OSBPL2: variants seen among roughly 807,000 people sequenced by gnomAD.
OSBPL2 encodes oxysterol binding protein like 2, also known as oxysterol-binding protein-related protein 2.
Under a neutral mutation model 58.4 loss-of-function variants are expected in OSBPL2, and 18 were observed. The observed-to-expected ratio is 0.31, with a 90% CI of 0.21 to 0.46. The LOEUF is 0.46. Among genes scored for constraint, OSBPL2 ranks in the 20% least tolerant of loss-of-function variants. OSBPL2 has a pLI of 1.00. For missense variants in OSBPL2, 461 were observed against 616.5 expected (o/e 0.75, Z 2.67); for synonymous variants, 221 against 234.1 (o/e 0.94, Z 0.51).
Position 62,281,552 on chromosome 20 carries a change from C to A in OSBPL2, c.783-238C>A, listed in dbSNP as rs1982785430. On this transcript the variant is annotated intron_variant, in intron 8 of 13. Transcript: ENST00000313733. The stretch of plus-strand genomic sequence containing the variant: ...CTTTAGTGAGGTATAATCGATGCAT[C>A]ATAAGACTCGCCCATTCTGAATGGA... 5.6e-6 allele frequency: 3 copies of A among 531,292 alleles called. No individual in the cohort carries two copies. The South Asian group carries it at 7.1e-5, about 13-fold the overall frequency. 32.9% of individuals were successfully genotyped at this position (531,292 alleles called of 1,614,324 possible).
chr20:62,272,406 C>A, intron 5 of OSBPL2, 147 bp downstream of exon 5: 1 of 869,256 alleles, frequency 1.2e-6, no homozygotes, highest in Non-Finnish European at 1.7e-6. Flanking sequence ...GCGGTCGTGG[C>A]ATTTGTCCTG....
intron 4 of OSBPL2, among the ~76,000 whole-genome samples, chr20:62,271,186 C>T (rs1982030103): frequency 6.6e-6 from 1 of 152,094 alleles, no homozygotes; most frequent in Admixed American, 6.5e-5. Context: ...TCCTGGAAGC[C>T]CGGTGGGAAG....
At chr20:62,292,122 G>T (rs1363896580) in intron 13 of OSBPL2, among the ~76,000 whole-genome samples, 2 of 152,232 alleles carry the variant, frequency 1.3e-5, no homozygotes, top group African/African-American at 4.8e-5. Flanking sequence ...CCTCAGACCC[G>T]GGTCTACTGC....
At chr20:62,260,250 C>A in intron 3 of OSBPL2, 125 bp downstream of exon 3, 1 of 873,136 alleles carries the variant, frequency 1.1e-6, no homozygotes, top group East Asian at 2.6e-5. Flanking sequence ...TGTCTGGCCT[C>A]CCCATCCGGA....
At position 62,256,084 on chromosome 20, in the gene OSBPL2, A is replaced by G. The variant is rs984388583; in HGVS notation, c.-101A>G. Reference sequence around the variant, plus strand: ...CTTCAGTGTCTATTGGATTTTTCCAAGAGAAAGTTTGTAAAATTCCTTACA... The same window carrying G: ...CTTCAGTGTCTATTGGATTTTTCCAGGAGAAAGTTTGTAAAATTCCTTACA... On this transcript the variant is annotated 5_prime_UTR_variant, in exon 2 of 14. Transcript: ENST00000313733. 7.2e-5 allele frequency: 103 copies of G among 1,433,872 alleles called. No individual in the cohort carries two copies. The highest frequency in any genetic ancestry group is 9.6e-5 in the Non-Finnish European group (101 of 1,048,476). 88.8% of individuals were successfully genotyped at this position (1,433,872 alleles called of 1,614,324 possible). A position where few individuals can be genotyped will look rare whatever the true frequency, so the allele number is the denominator to read the frequency against.
intron 1 of OSBPL2, among the ~76,000 whole-genome samples, chr20:62,244,497 C>T (rs897121930): frequency 6.6e-6 from 1 of 152,218 alleles, no homozygotes; most frequent in Admixed American, 6.5e-5. Flanking sequence ...TGCCTTCCCA[C>T]CCAGTCTCGT....
chr20:62,240,367 C>T lies in OSBPL2; in HGVS notation c.-129+1770C>T, dbSNP rs1287529609. On this transcript the variant is annotated intron_variant, in intron 1 of 13. Transcript: ENST00000313733. ...TACCCTGTTTTCTTCATGTGTCCAT[C>T]TATTAATGACAGCTCTTACCCCAGC... Among the ~76,000 whole-genome samples, 3 of 152,172 alleles carry T rather than the reference C, an allele frequency of 2.0e-5. 1 individual carries two copies. The highest frequency in any genetic ancestry group is 4.1e-4 in the South Asian group (2 of 4,834).
chr20:62,276,472 C>A (rs547009285), intron 6 of OSBPL2, among the ~76,000 whole-genome samples: 2 of 152,234 alleles, frequency 1.3e-5, no homozygotes, highest in Non-Finnish European at 2.9e-5. Flanking sequence ...CTAATCTGTT[C>A]CTGGCTCATC....
intron 4 of OSBPL2, among the ~76,000 whole-genome samples, chr20:62,264,913 G>A (rs1332964616): frequency 6.6e-6 from 1 of 152,146 alleles, no homozygotes. Context: ...TTAGAATGAG[G>A]TTCTGTATTT....
intron 4 of OSBPL2, among the ~76,000 whole-genome samples, chr20:62,265,922 C>A (rs1379927671): frequency 1.3e-5 from 2 of 151,978 alleles, no homozygotes; most frequent in East Asian, 3.8e-4. Context: ...AGCTTGAGAC[C>A]AGAGCCTGGG....
chr20:62,275,784 T>C (rs180951070), intron 6 of OSBPL2, among the ~76,000 whole-genome samples: 32 of 152,274 alleles, frequency 2.1e-4, no homozygotes, highest in African/African-American at 6.7e-4. Flanking sequence ...TTTTTCTTTC[T>C]TTCATAAAAT....
intron 3 of OSBPL2, 72 bp downstream of exon 3, chr20:62,260,197 C>G (rs1276604735): frequency 6.9e-7 from 1 of 1,450,472 alleles, no homozygotes; most frequent in African/African-American, 1.4e-5. Context: ...CAGGGTACCC[C>G]TCAGCCCTCA....
chr20:62,279,761 G>C (rs1219156248), intron 7 of OSBPL2, among the ~76,000 whole-genome samples: 1 of 152,256 alleles, frequency 6.6e-6, no homozygotes, highest in African/African-American at 2.4e-5. Context: ...GTGGCAATGA[G>C]GGTTGGGTTG....
chr20:62,250,789 A>G (rs1980471975), intron 1 of OSBPL2, among the ~76,000 whole-genome samples: 1 of 151,960 alleles, frequency 6.6e-6, no homozygotes, highest in Admixed American at 6.6e-5. Context: ...GCCGGGTATG[A>G]TGGTGTACGC....
At chr20:62,271,978 G>A in intron 4 of OSBPL2, 147 bp from the exon 5 acceptor site, 1 of 839,616 alleles carries the variant, frequency 1.2e-6, no homozygotes, top group Non-Finnish European at 1.9e-6. Context: ...GATGGGGCAG[G>A]GAGTGGCTCA....
At chr20:62,278,275 T>TTG (rs11472006) in intron 6 of OSBPL2, 133,765 of 138,580 alleles carry the variant, frequency 0.97, 64,684 homozygotes, top group Non-Finnish European at 0.98. Context: ...GATGTCATGT[T>TTG]TGTGTGTGTG....
chr20:62,285,989 G>T, intron 10 of OSBPL2: 1 of 159,364 alleles, frequency 6.3e-6, no homozygotes, highest in South Asian at 1.5e-4. Flanking sequence ...AACACGCCTG[G>T]CCACTGACCT....
At chr20:62,244,100 A>C in intron 1 of OSBPL2, among the ~76,000 whole-genome samples, 1 of 152,160 alleles carries the variant, frequency 6.6e-6, no homozygotes. Context: ...CCAGAGGGCA[A>C]GGACGCACTC....
intron 9 of OSBPL2, among the ~76,000 whole-genome samples, chr20:62,282,813 C>T (rs1982877333): frequency 6.6e-6 from 1 of 152,212 alleles, no homozygotes. Flanking sequence ...GGCAGCCAAG[C>T]AAGAGGCTGT....
Sources: allele counts gnomAD v4.1 joint callset (sites outside exome capture counted in the v4.1 genomes callset), GRCh38; gene constraint gnomAD v4.1.1; transcripts MANE v1.5; gene names NCBI Gene and HGNC (gene_info 2026-07-23, HGNC 2026-07-21).